The following PTPRD variants were observed in gnomAD, a reference collection of about 807,000 sequenced individuals.
PTPRD encodes protein tyrosine phosphatase receptor type D.
In PTPRD, 34 loss-of-function variants were observed where a neutral mutation model predicts 214.5. The ratio of observed to expected loss-of-function variants is 0.16; its 90% CI spans 0.12 to 0.21. The LOEUF is 0.21. Among genes scored for constraint, PTPRD ranks in the 10% least tolerant of loss-of-function variants. The pLI is 1.00. For missense variants in PTPRD, 2,545 were observed against 2,398.7 expected, an observed-to-expected ratio of 1.06 and a Z score of -1.27; for synonymous variants, 1,128 against 845.7, an observed-to-expected ratio of 1.33 and a Z score of -5.79.
chr9:8,481,472 G>GT (rs1440707829), intron 30 of PTPRD, among the ~76,000 whole-genome samples: 3 of 152,034 alleles, frequency 2.0e-5, no homozygotes, highest in Admixed American at 2.0e-4. Context: ...TTCTGATTTT[G>GT]TTTTTTAATA....
In PTPRD at chr9:8,348,178, T is replaced by C. The variant is rs538860953; in HGVS notation, c.4662-6200A>G. Among the ~76,000 whole-genome samples, 4 of 152,280 alleles carry C rather than the reference T, an allele frequency of 2.6e-5. No individual in the cohort carries two copies. In the South Asian group the frequency reaches 6.2e-4, roughly 24 times the overall value. On this transcript the variant is annotated intron_variant, in intron 39 of 45. Transcript: ENST00000381196. Reference sequence around the variant, plus strand: ...TCCATTTTAGGGACTGGCTATAACATTTTTATTAAACTTATAACCACATCA... The same window carrying C: ...TCCATTTTAGGGACTGGCTATAACACTTTTATTAAACTTATAACCACATCA...
In PTPRD at chr9:8,620,132, T is replaced by G. The variant is rs905662512; in HGVS notation, c.352+13185A>C. 5.3e-5 allele frequency among the ~76,000 whole-genome samples: 8 copies of G among 152,088 alleles called. No individual in the cohort carries two copies. In the East Asian group the frequency reaches 1.6e-3, roughly 30 times the overall value. On this transcript the variant is annotated intron_variant, in intron 14 of 45. Transcript: ENST00000381196. The stretch of plus-strand genomic sequence containing the variant: ...AAAATTCACACATTCCAAAACTGCA[T>G]TGAACGCTTGGTAATTACTAATTCT...
chr9:9,407,724 C>G (rs1253670283), intron 8 of PTPRD, among the ~76,000 whole-genome samples: 1 of 151,764 alleles, frequency 6.6e-6, no homozygotes, highest in East Asian at 1.9e-4. Context: ...ATCAGAGTAT[C>G]TCCCTCACAT....
chr9:8,439,235 T>G (rs145091407), intron 34 of PTPRD, among the ~76,000 whole-genome samples: 37 of 152,328 alleles, frequency 2.4e-4, no homozygotes, highest in African/African-American at 8.2e-4. Context: ...ACTTCTGGTT[T>G]TGGCATCTAC....
chr9:9,003,630 G>C (rs1286686499), intron 11 of PTPRD, among the ~76,000 whole-genome samples: 3 of 151,982 alleles, frequency 2.0e-5, no homozygotes, highest in Non-Finnish European at 2.9e-5. Flanking sequence ...TTTAGCAATA[G>C]GCAGTAAGTA....
chr9:8,495,640 T>C (rs1043402438), intron 26 of PTPRD, among the ~76,000 whole-genome samples: 2 of 152,238 alleles, frequency 1.3e-5, no homozygotes, highest in Admixed American at 6.5e-5. Context: ...GTGTTTATTA[T>C]ACATTTAAAG....
At chr9:9,502,610 T>C (rs2096455888) in intron 8 of PTPRD, among the ~76,000 whole-genome samples, 1 of 151,880 alleles carries the variant, frequency 6.6e-6, no homozygotes, top group South Asian at 2.1e-4. Flanking sequence ...AATAAAAACA[T>C]TTGTTTATGA....
intron 11 of PTPRD, among the ~76,000 whole-genome samples, chr9:8,737,781 G>A (rs551005811): frequency 6.6e-6 from 1 of 152,122 alleles, no homozygotes; most frequent in Non-Finnish European, 1.5e-5. Context: ...CTCCTGAGTG[G>A]CTGGGATTAC....
chr9:8,929,899 GTGTATATATA>G lies in PTPRD; in HGVS notation c.-104+88788_-104+88797del, dbSNP rs1164673104. Among the ~76,000 whole-genome samples, 7 of 77,938 alleles carry G rather than the reference GTGTATATATA, an allele frequency of 9.0e-5. 2 individuals are homozygous for G. The highest frequency in any genetic ancestry group is 4.8e-4 in the Admixed American group (3 of 6,274). The allele number at this position is 77,938 out of a possible 152,430, so 51.1% of individuals were successfully genotyped here. ...TGTATATATGTGTGTGTATATATAT[GTGTATATATA>G]TGTGTGTGTATATATATATGTGTAT... On this transcript the variant is annotated intron_variant, in intron 11 of 45. Transcript: ENST00000381196.
intron 8 of PTPRD, among the ~76,000 whole-genome samples, chr9:9,469,436 CT>C (rs1012621766): frequency 5.3e-5 from 8 of 152,152 alleles, no homozygotes; most frequent in African/African-American, 1.9e-4. Flanking sequence ...GACCGATGTA[CT>C]TGGGTTCCAG....
intron 2 of PTPRD, among the ~76,000 whole-genome samples, chr9:10,592,747 C>T (rs1040988971): frequency 6.6e-6 from 1 of 152,098 alleles, no homozygotes; most frequent in South Asian, 2.1e-4. Context: ...GATTGTAAAA[C>T]ACACCAATCA....
intron 10 of PTPRD, among the ~76,000 whole-genome samples, chr9:9,057,125 A>G (rs1472467200): frequency 2.0e-5 from 3 of 152,212 alleles, no homozygotes; most frequent in Admixed American, 6.5e-5. Context: ...AGTTGGCATT[A>G]TAGATAATAA....
intron 9 of PTPRD, among the ~76,000 whole-genome samples, chr9:9,248,096 A>T (rs1054275133): frequency 7.4e-4 from 111 of 150,862 alleles, no homozygotes; most frequent in African/African-American, 2.5e-3. Context: ...ATCTATTATT[A>T]TTTTTTTTTA....
At chr9:9,695,109 A>G (rs1406484098) in intron 7 of PTPRD, among the ~76,000 whole-genome samples, 1 of 152,158 alleles carries the variant, frequency 6.6e-6, no homozygotes, top group Non-Finnish European at 1.5e-5. Context: ...CCCAAAGCCC[A>G]TGGCATACTC....
chr9:8,907,692 T>C (rs1270882855), intron 11 of PTPRD, among the ~76,000 whole-genome samples: 3 of 151,606 alleles, frequency 2.0e-5, no homozygotes, highest in South Asian at 2.1e-4. Context: ...ACTTAATATA[T>C]AATAAGACGT....
chr9:8,918,864 A>G (rs954520412), intron 11 of PTPRD, among the ~76,000 whole-genome samples: 1 of 152,122 alleles, frequency 6.6e-6, no homozygotes, highest in Non-Finnish European at 1.5e-5. Flanking sequence ...GCTAATTTCT[A>G]TCTAGTACAA....
chr9:8,518,745 G>GA (rs1455190109), intron 20 of PTPRD, among the ~76,000 whole-genome samples: 1 of 152,060 alleles, frequency 6.6e-6, no homozygotes, highest in Non-Finnish European at 1.5e-5. Flanking sequence ...GTGGAAATGG[G>GA]AAAAATATTA....
At chr9:10,544,938 G>C (rs2059881411) in intron 2 of PTPRD, among the ~76,000 whole-genome samples, 2 of 152,108 alleles carry the variant, frequency 1.3e-5, no homozygotes, top group Non-Finnish European at 2.9e-5. Flanking sequence ...AGAAAAACAA[G>C]CACATAAATA....
chr9:9,151,023 T>C (rs1162028425), intron 10 of PTPRD, among the ~76,000 whole-genome samples: 2 of 152,208 alleles, frequency 1.3e-5, no homozygotes, highest in African/African-American at 4.8e-5. Flanking sequence ...ACCACTAGAC[T>C]AATACTTTAC....
Sources: allele counts gnomAD v4.1 joint callset (sites outside exome capture counted in the v4.1 genomes callset), GRCh38; gene constraint gnomAD v4.1.1; transcripts MANE v1.5; gene names NCBI Gene and HGNC (gene_info 2026-07-23, HGNC 2026-07-21).